The following ATP6V1C2 variants were observed in gnomAD, a reference collection of about 807,000 sequenced individuals.
ATP6V1C2 encodes the protein V-type proton ATPase subunit C 2.
In ATP6V1C2, 45 loss-of-function variants were observed where a neutral mutation model predicts 56.8. The ratio of observed to expected loss-of-function variants is 0.79; its 90% confidence interval spans 0.62 to 1.02. The LOEUF (loss-of-function observed/expected upper bound fraction) is 1.02. Ranked by LOEUF, ATP6V1C2 falls within the 50% of genes least tolerant of loss-of-function variation. The probability of loss-of-function intolerance (pLI) is 0.00; values close to 1 mark genes in which losing one functional copy is unlikely to be tolerated. For synonymous variants in ATP6V1C2, 220 were observed against 201.3 expected (o/e 1.09, Z -0.79); for missense variants, 463 against 519.7 (o/e 0.89, Z 1.06).
At chr2:10,731,964 C>A (rs1661974166) in intron 3 of ATP6V1C2, among the ~76,000 whole-genome samples, 1 of 151,862 alleles carries the variant, frequency 6.6e-6, no homozygotes, top group Non-Finnish European at 1.5e-5. Flanking sequence ...CAGAGTGAGA[C>A]CCTGTCTCAG....
chr2:10,775,123 T>C, intron 10 of ATP6V1C2, 52 bp downstream of exon 10: 1 of 1,390,722 alleles, frequency 7.2e-7, no homozygotes, highest in Non-Finnish European at 1.0e-6. Flanking sequence ...GGCCTGGGGA[T>C]AGAAGAGTCC....
At chr2:10,740,697 AT>A (rs1234737769) in intron 3 of ATP6V1C2, among the ~76,000 whole-genome samples, 1 of 151,982 alleles carries the variant, frequency 6.6e-6, no homozygotes, top group Non-Finnish European at 1.5e-5. Context: ...TTTCTTTTTC[AT>A]TTTTTGAGAC....
At position 10,784,080 on chromosome 2, in the gene ATP6V1C2, G is replaced by A. The variant is rs1665571815; in HGVS notation, c.*817G>A. 4.5e-6 allele frequency: 2 copies of A among 442,522 alleles called. No homozygotes were observed. Among genetic ancestry groups the A allele is most frequent in the Admixed American group, 4.0e-5 (1 of 25,214 alleles). 27.4% of individuals were successfully genotyped at this position (442,522 alleles called of 1,614,324 possible). ...ACAACAATTCATAGAATTTTTCAATGTTTTCTTGAGATGCAAAAGTTCACT... is the reference window on the plus strand; with the variant it reads ...ACAACAATTCATAGAATTTTTCAATATTTTCTTGAGATGCAAAAGTTCACT... On this transcript the variant is annotated 3_prime_UTR_variant, in exon 14 of 14. Transcript: ENST00000272238.
intron 3 of ATP6V1C2, among the ~76,000 whole-genome samples, chr2:10,731,208 C>T (rs902178504): frequency 2.6e-5 from 4 of 152,210 alleles, no homozygotes; most frequent in African/African-American, 9.6e-5. Context: ...CTTGGCCTCC[C>T]AAAGTGCTGG....
chr2:10,734,492 A>G (rs1256827521), intron 3 of ATP6V1C2, among the ~76,000 whole-genome samples: 1 of 152,094 alleles, frequency 6.6e-6, no homozygotes, highest in Non-Finnish European at 1.5e-5. Context: ...TTGGTGACTG[A>G]TTGAATGGAT....
chr2:10,775,136 C>T, intron 10 of ATP6V1C2, 65 bp downstream of exon 10: 1 of 1,199,564 alleles, frequency 8.3e-7, no homozygotes, highest in South Asian at 1.2e-5. Flanking sequence ...AAGAGTCCTC[C>T]CAGGTCTCCA....
chr2:10,722,778 T>C, intron 1 of ATP6V1C2, 46 bp from the exon 2 acceptor site: 1 of 1,579,182 alleles, frequency 6.3e-7, no homozygotes, highest in Non-Finnish European at 8.6e-7. Flanking sequence ...CTGACACATC[T>C]CTCCTTCTGT....
chr2:10,765,357 C>T (rs1368032496), intron 5 of ATP6V1C2, among the ~76,000 whole-genome samples: 1 of 152,222 alleles, frequency 6.6e-6, no homozygotes, highest in African/African-American at 2.4e-5. Context: ...TTCTGATGGC[C>T]TGGCCCTCCC....
At chr2:10,746,907 A>G (rs570976119) in intron 3 of ATP6V1C2, among the ~76,000 whole-genome samples, 41 of 152,336 alleles carry the variant, frequency 2.7e-4, no homozygotes, top group African/African-American at 9.6e-4. Context: ...GTGGGGTTAT[A>G]TGCTTTACAT....
At chr2:10,742,864 C>T (rs770112067) in intron 3 of ATP6V1C2, among the ~76,000 whole-genome samples, 39 of 152,220 alleles carry the variant, frequency 2.6e-4, no homozygotes, top group Admixed American at 1.3e-3. Context: ...CCTGGGCGGC[C>T]CCTTCTCGCC....
At chr2:10,737,433 A>AT (rs1224375025) in intron 3 of ATP6V1C2, among the ~76,000 whole-genome samples, 1 of 145,782 alleles carries the variant, frequency 6.9e-6, no homozygotes, top group Non-Finnish European at 1.5e-5. Flanking sequence ...AAAAAAAAAA[A>AT]GGAAAAAGAA....
chr2:10,764,301 A>G (rs1054473170), intron 4 of ATP6V1C2, 30 bp from the exon 5 acceptor site: 2 of 1,538,740 alleles, frequency 1.3e-6, no homozygotes, highest in Non-Finnish European at 1.8e-6. Context: ...GCGCAGGCTC[A>G]TGTGTTGAAA....
At chr2:10,745,198 G>T (rs1458850212) in intron 3 of ATP6V1C2, among the ~76,000 whole-genome samples, 1 of 147,628 alleles carries the variant, frequency 6.8e-6, no homozygotes, top group East Asian at 2.0e-4. Context: ...ACCACACCCA[G>T]CTAATTTTTT....
At chr2:10,772,822 C>T (rs1019637618) in intron 8 of ATP6V1C2, among the ~76,000 whole-genome samples, 1 of 152,266 alleles carries the variant, frequency 6.6e-6, no homozygotes. Flanking sequence ...ACTTCCCTGC[C>T]CCTGCCCTGG....
Position 10,783,156 on chromosome 2 carries a change from C to T in ATP6V1C2, c.1195-18C>T, listed in dbSNP as rs1329097930. ...ACTAGTTTATGCACTTAGAGCATTA[C>T]CATGTCTTCTTTTGTAGGCATCTGT... On this transcript the variant is annotated intron_variant, in intron 13 of 13. Coordinates refer to ENST00000272238, the MANE Select transcript of ATP6V1C2 (RefSeq NM_001039362.2). 2 of 1,592,860 alleles carry T rather than the reference C, an allele frequency of 1.3e-6. No individual in the cohort carries two copies. The highest frequency in any genetic ancestry group is 1.7e-6 in the Non-Finnish European group (2 of 1,161,026).
At chr2:10,772,024 G>T in intron 7 of ATP6V1C2, 87 bp downstream of exon 7, 1 of 1,175,544 alleles carries the variant, frequency 8.5e-7, no homozygotes, top group Non-Finnish European at 1.3e-6. Context: ...GTGTGGACGA[G>T]GATGCTCCCT....
intron 6 of ATP6V1C2, among the ~76,000 whole-genome samples, chr2:10,769,730 G>GGA (rs1174666132): frequency 6.6e-6 from 1 of 151,680 alleles, no homozygotes; most frequent in Non-Finnish European, 1.5e-5. Flanking sequence ...AAAAAAACAG[G>GGA]GAGAGAGAGA....
intron 10 of ATP6V1C2, among the ~76,000 whole-genome samples, chr2:10,776,648 G>T (rs2148510896): frequency 6.6e-6 from 1 of 152,350 alleles, no homozygotes; most frequent in African/African-American, 2.4e-5. Flanking sequence ...CCCCTGCGCA[G>T]TATCTCTGGA....
chr2:10,732,951 C>T (rs1206261808), intron 3 of ATP6V1C2, among the ~76,000 whole-genome samples: 1 of 138,616 alleles, frequency 7.2e-6, no homozygotes, highest in Non-Finnish European at 1.5e-5. Flanking sequence ...AGCCTGACGA[C>T]AGAGCAAGAC....
Sources: gnomAD v4.1 joint callset for allele counts (sites outside exome capture counted in the v4.1 genomes callset) on GRCh38, gnomAD v4.1.1 for gene constraint, MANE v1.5 for transcripts, NCBI Gene and HGNC (gene_info 2026-07-23, HGNC 2026-07-21) for gene names.